PTPN2: variants seen among roughly 807,000 people sequenced by gnomAD.
PTPN2 encodes the protein protein tyrosine phosphatase non-receptor type 2, also known as tyrosine-protein phosphatase non-receptor type 2.
A neutral mutation model predicts 57.3 loss-of-function variants in PTPN2; 19 were observed. That is an observed-to-expected ratio of 0.33 (90% CI 0.23 to 0.49). PTPN2 has a LOEUF of 0.49. Among genes scored for constraint, PTPN2 ranks in the 20% least tolerant of loss-of-function variants. PTPN2 has a pLI of 0.99. For synonymous variants in PTPN2, 153 were observed against 164.9 expected, an observed-to-expected ratio of 0.93 and a Z score of 0.55; for missense variants, 358 against 501.1, an observed-to-expected ratio of 0.71 and a Z score of 2.73.
At chr18:12,850,928 C>T (rs1434969476) in intron 2 of PTPN2, among the ~76,000 whole-genome samples, 6 of 151,976 alleles carry the variant, frequency 3.9e-5, no homozygotes, top group African/African-American at 1.4e-4. Context: ...TTAGTAGAGA[C>T]GAGGTTTCTC....
intron 7 of PTPN2, among the ~76,000 whole-genome samples, chr18:12,809,169 A>T (rs577585193): frequency 1.3e-5 from 2 of 152,326 alleles, no homozygotes; most frequent in Admixed American, 1.3e-4. Context: ...ATGGCAACAC[A>T]AACCAGGATT....
chr18:12,878,154 T>C (rs1426898736), intron 1 of PTPN2, among the ~76,000 whole-genome samples: 5 of 151,348 alleles, frequency 3.3e-5, no homozygotes, highest in Non-Finnish European at 7.4e-5. Flanking sequence ...CTGGGCAAAA[T>C]AGTTAAACCC....
chr18:12,808,360 G>A (rs193023542), intron 7 of PTPN2, among the ~76,000 whole-genome samples: 377 of 152,138 alleles, frequency 2.5e-3, no homozygotes, highest in African/African-American at 8.1e-3. Context: ...GATTTTGAAC[G>A]TTTTCACCAC....
chr18:12,834,380 C>T (rs1287325073), intron 3 of PTPN2, among the ~76,000 whole-genome samples: 1 of 151,304 alleles, frequency 6.6e-6, no homozygotes, highest in Non-Finnish European at 1.5e-5. Flanking sequence ...TTAGATTCCT[C>T]GTGTATAAAA....
intron 5 of PTPN2, among the ~76,000 whole-genome samples, chr18:12,820,138 C>T (rs1941077): frequency 0.91 from 135,605 of 149,498 alleles, 61,310 homozygotes; most frequent in Non-Finnish European, 0.97. Flanking sequence ...GTGGTCTCAA[C>T]TTTTTTCACA....
intron 3 of PTPN2, among the ~76,000 whole-genome samples, chr18:12,834,731 A>AG (rs2042792511): frequency 6.6e-6 from 1 of 152,120 alleles, no homozygotes; most frequent in East Asian, 1.9e-4. Context: ...GAGAAAAAAA[A>AG]AAGCTAATTT....
chr18:12,867,772 C>T (rs1038297034), intron 1 of PTPN2, among the ~76,000 whole-genome samples: 1 of 152,220 alleles, frequency 6.6e-6, no homozygotes, highest in Non-Finnish European at 1.5e-5. Flanking sequence ...ATTATCTACT[C>T]TGCTACTTGG....
At chr18:12,866,886 T>C (rs368057214) in intron 1 of PTPN2, among the ~76,000 whole-genome samples, 3 of 152,008 alleles carry the variant, frequency 2.0e-5, no homozygotes, top group East Asian at 3.9e-4. Flanking sequence ...GCACCTGTAG[T>C]CCCAGCTACT....
chr18:12,819,213 C>A, intron 5 of PTPN2: 1 of 1,389,218 alleles, frequency 7.2e-7, no homozygotes, highest in Non-Finnish European at 9.6e-7. Flanking sequence ...AAAGTACATA[C>A]TTTTAGTGAC....
At chr18:12,834,677 AGGTTGAAAACCATGGTCTTAAAG>A in intron 3 of PTPN2, among the ~76,000 whole-genome samples, 1 of 152,114 alleles carries the variant, frequency 6.6e-6, no homozygotes, top group East Asian at 1.9e-4. Context: ...TAGGTTACAA[AGGTTGAAAACCATGGTCTTAAAG>A]GGCTGTAGTG....
chr18:12,814,599 C>A (rs901060870), intron 6 of PTPN2, among the ~76,000 whole-genome samples: 4 of 152,128 alleles, frequency 2.6e-5, no homozygotes, highest in African/African-American at 4.8e-5. Flanking sequence ...CAACTGATTC[C>A]AAACCAATCA....
At chr18:12,870,312 T>C (rs1445377585) in intron 1 of PTPN2, among the ~76,000 whole-genome samples, 7 of 82,448 alleles carry the variant, frequency 8.5e-5, no homozygotes, top group Admixed American at 3.7e-4. Context: ...TATATATACA[T>C]ATATATGTGT....
chr18:12,866,953 C>T (rs1036934793), intron 1 of PTPN2, among the ~76,000 whole-genome samples: 1 of 151,066 alleles, frequency 6.6e-6, no homozygotes, highest in African/African-American at 2.4e-5. Flanking sequence ...TGCAGTGAGC[C>T]GAGATCGCGC....
At chr18:12,833,336 T>G (rs573054355) in intron 3 of PTPN2, among the ~76,000 whole-genome samples, 6 of 152,342 alleles carry the variant, frequency 3.9e-5, no homozygotes, top group South Asian at 4.1e-4. Context: ...ACCTGCTAGA[T>G]GCAAGGCCAA....
chr18:12,838,902 A>G (rs906064063), intron 2 of PTPN2, among the ~76,000 whole-genome samples: 4 of 151,964 alleles, frequency 2.6e-5, no homozygotes, highest in African/African-American at 7.2e-5. Flanking sequence ...GAAAAATGAA[A>G]AACAATTTAA....
downstream of PTPN2, among the ~76,000 whole-genome samples, chr18:12,789,342 A>G (rs879669660): frequency 2.0e-5 from 3 of 152,252 alleles, no homozygotes; most frequent in Admixed American, 6.5e-5. Context: ...TGAGTGGAAC[A>G]GGTCAACTCC....
intron 2 of PTPN2, among the ~76,000 whole-genome samples, chr18:12,843,220 C>T (rs1196247669): frequency 6.6e-6 from 1 of 152,122 alleles, no homozygotes; most frequent in African/African-American, 2.4e-5. Context: ...CGCCGACAGT[C>T]CTATGATAAG....
intron 3 of PTPN2, among the ~76,000 whole-genome samples, chr18:12,831,449 G>A (rs1484408215): frequency 6.6e-5 from 10 of 152,120 alleles, no homozygotes; most frequent in Admixed American, 5.9e-4. Flanking sequence ...ATATGAAGGT[G>A]GCTATAGTAT....
downstream of PTPN2, among the ~76,000 whole-genome samples, chr18:12,791,744 T>C (rs760987039): frequency 1.7e-4 from 26 of 152,078 alleles, no homozygotes; most frequent in Non-Finnish European, 2.9e-5. Flanking sequence ...ACACTGAATG[T>C]GGTTTTAAAA....
Sources: allele counts gnomAD v4.1 joint callset (sites outside exome capture counted in the v4.1 genomes callset), GRCh38; gene constraint gnomAD v4.1.1; transcripts MANE v1.5; gene names NCBI Gene and HGNC (gene_info 2026-07-23, HGNC 2026-07-21).